Variants in PARVB observed in about 807,000 individuals in gnomAD.
PARVB encodes beta-parvin.
Under a neutral mutation model 47.0 loss-of-function variants are expected in PARVB, and 46 were observed. That is an observed-to-expected ratio of 0.98 (90% CI 0.77 to 1.25). The LOEUF (loss-of-function observed/expected upper bound fraction) is 1.25, where lower values mean the gene tolerates loss of function less well. Ranked by LOEUF, PARVB falls within the 50% of genes most tolerant of loss-of-function variation. PARVB has a pLI of 0.00. For missense variants in PARVB, 473 were observed against 471.6 expected, an observed-to-expected ratio of 1.00 and a Z score of -0.03; for synonymous variants, 196 against 196.3, an observed-to-expected ratio of 1.00 and a Z score of 0.01.
intron 4 of PARVB, among the ~76,000 whole-genome samples, chr22:44,126,222 C>T (rs895731446): frequency 7.9e-5 from 12 of 152,208 alleles, no homozygotes; most frequent in African/African-American, 2.2e-4. Context: ...GGCTGAATGC[C>T]GAATGCCCAA....
intron 1 of PARVB, among the ~76,000 whole-genome samples, chr22:44,079,603 C>T (rs1444665317): frequency 6.6e-6 from 1 of 152,176 alleles, no homozygotes; most frequent in African/African-American, 2.4e-5. Context: ...TGAGAAGCCA[C>T]CGGTGGAGAA....
chr22:44,035,136 T>C (rs942579832), intron 1 of PARVB, among the ~76,000 whole-genome samples: 4 of 152,204 alleles, frequency 2.6e-5, no homozygotes, highest in Admixed American at 2.6e-4. Flanking sequence ...TGCTGTATTC[T>C]TACTACAAAG....
intron 12 of PARVB, chr22:44,168,181 G>T (rs1293745750): frequency 5.7e-6 from 1 of 176,692 alleles, no homozygotes; most frequent in Non-Finnish European, 1.2e-5. Context: ...TCCCAGGAAG[G>T]TTCTTGTCCA....
chr22:44,056,875 C>T (rs1006138311), intron 1 of PARVB, among the ~76,000 whole-genome samples: 1 of 150,236 alleles, frequency 6.7e-6, no homozygotes, highest in Non-Finnish European at 1.5e-5. Context: ...TATAAAATGT[C>T]TGGAAATGGC....
upstream of PARVB, among the ~76,000 whole-genome samples, chr22:44,020,695 G>T (rs1358141391): frequency 1.3e-5 from 2 of 152,104 alleles, no homozygotes; most frequent in Non-Finnish European, 2.9e-5. Context: ...ATGGAGGAGG[G>T]GCATTAAGCT....
intron 1 of PARVB, among the ~76,000 whole-genome samples, chr22:44,090,791 C>T (rs2052148296): frequency 6.6e-6 from 1 of 152,254 alleles, no homozygotes; most frequent in Non-Finnish European, 1.5e-5. Flanking sequence ...GACCTCCCTG[C>T]CCCTGTTGTG....
Position 44,024,978 on chromosome 22 carries a change from TA to T in PARVB, c.112+530del, listed in dbSNP as rs201306571. Among the ~76,000 whole-genome samples the T allele has an allele frequency of 3.6e-3, 548 of 151,950 alleles. 5 individuals are homozygous for T. The highest frequency in any genetic ancestry group is 0.012 in the African/African-American group (502 of 41,332). ...AGATCCCATTAAAAATTTTTTTTTTTAAATTTTTTACTGCGTGTGCTCACGA... is the reference window on the plus strand; with the variant it reads ...AGATCCCATTAAAAATTTTTTTTTTTAATTTTTTACTGCGTGTGCTCACGA... On this transcript the variant is annotated intron_variant, in intron 1 of 12. Transcript: ENST00000338758.
intron 1 of PARVB, among the ~76,000 whole-genome samples, chr22:44,067,377 C>T (rs527531657): frequency 1.3e-5 from 2 of 152,260 alleles, no homozygotes; most frequent in Non-Finnish European, 2.9e-5. Flanking sequence ...CTTTTAAAAG[C>T]TAATCACATT....
chr22:44,131,529 A>G lies in PARVB; in HGVS notation c.419A>G (p.Gln140Arg), dbSNP rs750039098. The G allele has an allele frequency of 4.3e-6, 7 of 1,614,108 alleles. No individual in the cohort carries two copies. The highest frequency in any genetic ancestry group is 3.3e-4 in the Middle Eastern group (2 of 6,060). The change falls in exon 5 of 13, where the codon CAG (glutamine) becomes CGG (arginine). Residue 140 changes from glutamine (Q) to arginine (R), a missense_variant. Coordinates refer to ENST00000338758, the MANE Select transcript of PARVB (RefSeq NM_013327.5). Reference sequence around the variant, plus strand: ...AAGCTGAATGTGGCTGAGGTGACACAGTCCGAAATAGGGCAGAAACAGAAG... The same window carrying G: ...AAGCTGAATGTGGCTGAGGTGACACGGTCCGAAATAGGGCAGAAACAGAAG... ...GCKLNVAEVT[Q>R]SEIGQKQKLQ...
Position 44,119,117 on chromosome 22 carries a change from G to A in PARVB, c.353G>A (p.Gly118Asp), listed in dbSNP as rs1348251883. 1.2e-6 allele frequency: 2 copies of A among 1,613,034 alleles called. No individual in the cohort carries two copies. Among genetic ancestry groups the A allele is most frequent in the Middle Eastern group, 1.6e-4 (1 of 6,082 alleles). ...VKQLEEDLYD[G>D]QVLQKLLEKL... Reference sequence around the variant, plus strand: ...CAGCTGGAGGAAGACCTGTATGACGGCCAGGTGCTGCAGAAGCTCTTGGGT... The same window carrying A: ...CAGCTGGAGGAAGACCTGTATGACGACCAGGTGCTGCAGAAGCTCTTGGGT... Residue 118 changes from glycine (G) to aspartate (D), a missense_variant, in exon 4 of 13, where the codon GGC becomes GAC. By Grantham distance (94) the Gly-to-Asp change is moderately conservative (BLOSUM62 -1). Transcript: ENST00000338758.
chr22:44,072,644 G>T (rs62226423), intron 1 of PARVB, among the ~76,000 whole-genome samples: 8,431 of 152,162 alleles, frequency 0.055, 427 homozygotes, highest in African/African-American at 0.13. Context: ...GCTTCACCAT[G>T]TTGGCCAGAC....
intron 1 of PARVB, among the ~76,000 whole-genome samples, chr22:44,029,866 C>T (rs927738863): frequency 1.5e-4 from 22 of 151,668 alleles, no homozygotes; most frequent in African/African-American, 3.9e-4. Context: ...GCTGAGATCG[C>T]GCCACTGCAC....
chr22:44,138,587 C>A (rs953620296), intron 7 of PARVB, among the ~76,000 whole-genome samples: 1 of 152,172 alleles, frequency 6.6e-6, no homozygotes, highest in Non-Finnish European at 1.5e-5. Context: ...CTGCTGAAAA[C>A]CAGCGGCCCA....
Position 44,155,541 on chromosome 22 carries a change from C to T in PARVB, c.844-2441C>T, listed in dbSNP as rs956323057. ...AAAGACTCAGCAGGCTCAGGGCCTG[C>T]GGGAGCAGCGGCGTGGCCACCCCAG... On this transcript the variant is annotated intron_variant, in intron 10 of 12. Coordinates refer to ENST00000338758, the MANE Select transcript of PARVB (RefSeq NM_013327.5). This position sits in a 1 kb window ranked among gnomAD's most constrained non-coding sequence, Gnocchi z 4.8. 1.4e-4 allele frequency among the ~76,000 whole-genome samples: 21 copies of T among 152,128 alleles called. No homozygotes were observed. The highest frequency in any genetic ancestry group is 2.8e-4 in the Non-Finnish European group (19 of 68,026).
chr22:44,053,606 G>T (rs1260265395), intron 1 of PARVB, among the ~76,000 whole-genome samples: 2 of 152,162 alleles, frequency 1.3e-5, no homozygotes, highest in Non-Finnish European at 2.9e-5. Context: ...CCAGCTGGAT[G>T]TCCCCTAGTT....
At chr22:44,035,084 A>C (rs534069626) in intron 1 of PARVB, among the ~76,000 whole-genome samples, 19 of 152,334 alleles carry the variant, frequency 1.2e-4, no homozygotes, top group African/African-American at 4.1e-4. Flanking sequence ...CTCACTGATA[A>C]CATAAACAAT....
intron 2 of PARVB, among the ~76,000 whole-genome samples, chr22:44,018,810 C>A (rs1242374477): frequency 6.6e-6 from 1 of 152,220 alleles, no homozygotes; most frequent in Admixed American, 6.5e-5. Flanking sequence ...GATTCTCAGG[C>A]CACATGGGCG....
chr22:44,100,154 C>T (rs2052408419), intron 3 of PARVB, 31 bp downstream of exon 3: 2 of 1,568,538 alleles, frequency 1.3e-6, no homozygotes, highest in Non-Finnish European at 1.8e-6. Context: ...TGGAATCTTC[C>T]TCTTAGGGCG....
chr22:44,086,821 G>A, intron 1 of PARVB: 4 of 985,396 alleles, frequency 4.1e-6, no homozygotes, highest in Non-Finnish European at 4.8e-6. Flanking sequence ...ACCCCTCTGA[G>A]TACGGATGGA....
Sources: allele counts gnomAD v4.1 joint callset (sites outside exome capture counted in the v4.1 genomes callset), GRCh38; gene constraint gnomAD v4.1.1; non-coding constraint Gnocchi (gnomAD v3.1); transcripts MANE v1.5; gene names NCBI Gene and HGNC (gene_info 2026-07-23, HGNC 2026-07-21).